GCLC: variants seen among roughly 807,000 people sequenced by gnomAD.
The protein encoded by GCLC is glutamate--cysteine ligase catalytic subunit.
GCLC carries 30 observed loss-of-function variants against 81.5 expected under a neutral mutation model. That is an observed-to-expected ratio of 0.37 (90% confidence interval 0.28 to 0.50). GCLC has a LOEUF of 0.50. Ranked by LOEUF, GCLC falls within the 20% of genes least tolerant of loss-of-function variation. The pLI, the probability that GCLC is intolerant of heterozygous loss-of-function variation, is 0.96. For missense variants in GCLC, 556 were observed against 777.4 expected (o/e 0.72, Z 3.39); for synonymous variants, 262 against 273.3 (o/e 0.96, Z 0.41).
In GCLC at chr6:53,502,200, C is replaced by T. The variant is rs149176820; in HGVS notation, c.1396-1687G>A. ...GATGTGGTATGAGATACGTAATATA[C>T]GCATACAACCAAGCTTATTAACCAT... On this transcript the variant is annotated intron_variant, in intron 12 of 15. Transcript: ENST00000650454. Among the ~76,000 whole-genome samples, 4 of 152,272 alleles carry T rather than the reference C, an allele frequency of 2.6e-5. No individual in the cohort carries two copies. In the South Asian group the frequency reaches 6.2e-4, roughly 24 times the overall value.
At chr6:53,510,982 A>G (rs1035532608) in intron 6 of GCLC, among the ~76,000 whole-genome samples, 1 of 152,222 alleles carries the variant, frequency 6.6e-6, no homozygotes, top group African/African-American at 2.4e-5. Flanking sequence ...CAGTTTCTGC[A>G]AAGAGGTGGG....
At chr6:53,508,355 T>G (rs1007088762) in intron 8 of GCLC, among the ~76,000 whole-genome samples, 33 of 152,206 alleles carry the variant, frequency 2.2e-4, no homozygotes, top group African/African-American at 7.5e-4. Flanking sequence ...AAAAAGCCTT[T>G]TGGTAAAAAC....
chr6:53,544,255 G>C (rs1419913002), intron 1 of GCLC, among the ~76,000 whole-genome samples: 2 of 152,164 alleles, frequency 1.3e-5, no homozygotes, highest in Non-Finnish European at 2.9e-5. Flanking sequence ...CGTGTTTATG[G>C]AATGAAGGGG....
Position 53,522,501 on chromosome 6 carries a change from A to C in GCLC, c.177T>G (p.Asp59Glu), listed in dbSNP as rs141282414. ...DEVEYMLVSF[D>E]HENKKVRLVL... is the part of the protein sequence containing the mutation. ...CCAACCGGACTTTTTTATTTTCATG[A>C]TCAAAAGATACCAACATGTATTCCA... Residue 59 changes from aspartate (D) to glutamate (E), a missense_variant, in exon 2 of 16, where the codon GAT (aspartate) becomes GAG (glutamate). This residue lies in a region of GCLC where 234 missense variants were observed against 303.8 expected (regional missense o/e 0.77). Transcript: ENST00000650454. 123 of 1,606,384 alleles carry C rather than the reference A, an allele frequency of 7.7e-5. No homozygotes were observed. Among genetic ancestry groups the C allele is most frequent in the Non-Finnish European group, 9.0e-5 (106 of 1,173,192 alleles).
Position 53,516,144 on chromosome 6 carries a change from A to G in GCLC, c.525T>C (p.Phe175=). 6.2e-7 allele frequency: 1 copy of G among 1,613,594 alleles called. No individual in the cohort carries two copies. The highest frequency in any genetic ancestry group is 8.5e-7 in the Non-Finnish European group (1 of 1,179,504). The change falls in exon 4 of 16, where the codon TTT becomes TTC. Residue 175 remains phenylalanine (F), a synonymous_variant. Coordinates refer to ENST00000650454, the MANE Select transcript of GCLC (RefSeq NM_001498.4). The stretch of plus-strand genomic sequence containing the variant: ...GGTGCTTGTTTATTGCTTCATCTGG[A>G]AAGAAGAGGGACTTGGAAGCTCCTC... ...VEGGASKSLF[F]PDEAINKHPR...
At position 53,531,804 on chromosome 6, in the gene GCLC, T is replaced by C. The variant is rs1001741868; in HGVS notation, c.151-9277A>G. ...CCCACCCTGGTGCCTCCTAAAGTTG[T>C]ACAAGGTATTTATCCTGCCCAGAGC... On this transcript the variant is annotated intron_variant, in intron 1 of 15. Coordinates refer to ENST00000650454, the MANE Select transcript of GCLC (RefSeq NM_001498.4). 3.7e-4 allele frequency among the ~76,000 whole-genome samples: 57 copies of C among 152,358 alleles called. 1 individual carries two copies. The highest frequency in any genetic ancestry group is 3.4e-3 in the Middle Eastern group (1 of 294).
intron 1 of GCLC, among the ~76,000 whole-genome samples, chr6:53,523,602 G>T (rs1763034382): frequency 6.6e-6 from 1 of 152,172 alleles, no homozygotes; most frequent in South Asian, 2.1e-4. Flanking sequence ...ACAATACCCA[G>T]AAGCCCAGCA....
intron 12 of GCLC, 165 bp from the exon 13 acceptor site, chr6:53,500,678 C>T: frequency 1.6e-6 from 1 of 645,036 alleles, no homozygotes; most frequent in South Asian, 1.8e-5. Flanking sequence ...TATGTGAGGA[C>T]TGTATCACTC....
At chr6:53,523,689 G>A (rs1340593188) in intron 1 of GCLC, among the ~76,000 whole-genome samples, 2 of 152,114 alleles carry the variant, frequency 1.3e-5, no homozygotes, top group Non-Finnish European at 2.9e-5. Flanking sequence ...CCTTATTTAT[G>A]TGTATTTCCC....
At chr6:53,504,641 G>A (rs1005075487) in intron 12 of GCLC, among the ~76,000 whole-genome samples, 7 of 152,104 alleles carry the variant, frequency 4.6e-5, no homozygotes, top group Non-Finnish European at 1.0e-4. Flanking sequence ...TTTCCTTCAG[G>A]GGGTGTGGGG....
rs141946881 is a variant in GCLC, at chr6:53,520,894, G to A, written c.330C>T (p.Tyr110=). 175 of 1,613,838 alleles carry A rather than the reference G, an allele frequency of 1.1e-4. No individual in the cohort carries two copies. Among genetic ancestry groups the A allele is most frequent in the Admixed American group, 1.3e-4 (8 of 60,016 alleles). ...TATTGAACTCGGACATTGTTCCTCC[G>A]TAGGGCTGTCCTGGTGTCCCTTCAA... The part of the protein sequence containing the change: ...YMIEGTPGQP[Y]GGTMSEFNTV... The change falls in exon 3 of 16, where the codon TAC becomes TAT. Residue 110 remains tyrosine, a synonymous_variant. Transcript: ENST00000650454.
At chr6:53,543,771 A>G (rs1468753783) in intron 1 of GCLC, among the ~76,000 whole-genome samples, 1 of 152,166 alleles carries the variant, frequency 6.6e-6, no homozygotes, top group Non-Finnish European at 1.5e-5. Context: ...CTGAGAATCT[A>G]GAGACATTTC....
chr6:53,507,185 A>G, intron 9 of GCLC, 160 bp from the exon 10 acceptor site: 1 of 706,332 alleles, frequency 1.4e-6, no homozygotes, highest in Non-Finnish European at 2.6e-6. Context: ...CCAGTATTTT[A>G]TCCTGCGGAC....
chr6:53,498,955 G>T lies in GCLC; in HGVS notation c.1715C>A (p.Thr572Lys). 1 of 1,610,984 alleles carries T rather than the reference G, an allele frequency of 6.2e-7. No homozygotes were observed. Among genetic ancestry groups the T allele is most frequent in the Non-Finnish European group, 8.5e-7 (1 of 1,177,498 alleles). ...AAACTCCCTCATCCATCTGGCAACT[G>T]TCATTAGTTCTCCTGTGGGCGAGGG... Reference protein sequence around the residue: ...IKKRASGELMTVARWMREFIA... With the variant: ...IKKRASGELMKVARWMREFIA... The change falls in exon 16 of 16, where the codon ACA (threonine) becomes AAA (lysine). Residue 572 changes from threonine (T) to lysine (K), a missense_variant. This residue lies in a region of GCLC where 313 missense variants were observed against 437.3 expected (regional missense o/e 0.72). Transcript: ENST00000650454.
chr6:53,516,288 C>G, intron 3 of GCLC, 66 bp from the exon 4 acceptor site: 1 of 1,014,658 alleles, frequency 9.9e-7, no homozygotes, highest in Non-Finnish European at 1.6e-6. Flanking sequence ...TGCAGTCTTG[C>G]CATCACTGCA....
chr6:53,500,291 C>T lies in GCLC; in HGVS notation c.1537G>A (p.Glu513Lys). Reference protein sequence around the residue: ...KAQNSTELAAEEYTLMSIDTI... With the variant: ...KAQNSTELAAKEYTLMSIDTI... Reference sequence around the variant, plus strand: ...TCTATGCTCATGAGGGTGTACTCCTCTGCAGCGAGCTCCGTGCTGTTCTGG... The same window carrying T: ...TCTATGCTCATGAGGGTGTACTCCTTTGCAGCGAGCTCCGTGCTGTTCTGG... The change falls in exon 14 of 16, where the codon GAG becomes AAG. Residue 513 changes from glutamate (E) to lysine (K), a missense_variant. By Grantham distance (56) the Glu-to-Lys change is moderately conservative. This residue lies in a region of GCLC where 313 missense variants were observed against 437.3 expected (regional missense o/e 0.72). Coordinates refer to ENST00000650454, the MANE Select transcript of GCLC (RefSeq NM_001498.4). 6.2e-7 allele frequency: 1 copy of T among 1,614,190 alleles called. No homozygotes were observed. The highest frequency in any genetic ancestry group is 8.5e-7 in the Non-Finnish European group (1 of 1,180,032).
At chr6:53,505,353 T>C in intron 12 of GCLC, 39 bp downstream of exon 12, 1 of 840,288 alleles carries the variant, frequency 1.2e-6, no homozygotes, top group South Asian at 1.4e-5. Context: ...TATCTACAGA[T>C]AGATCTATAC....
intron 1 of GCLC, among the ~76,000 whole-genome samples, chr6:53,526,545 T>A (rs1763084286): frequency 6.6e-6 from 1 of 152,082 alleles, no homozygotes; most frequent in South Asian, 2.1e-4. Flanking sequence ...ATGCCTGTAA[T>A]CCCAGCACTT....
At chr6:53,515,576 A>G (rs968166828) in intron 4 of GCLC, among the ~76,000 whole-genome samples, 6 of 152,258 alleles carry the variant, frequency 3.9e-5, no homozygotes, top group African/African-American at 1.4e-4. Flanking sequence ...CATGCATTGT[A>G]CAAAGCTAAG....
Sources: allele counts gnomAD v4.1 joint callset (sites outside exome capture counted in the v4.1 genomes callset), GRCh38; gene constraint gnomAD v4.1.1; regional missense constraint gnomAD v4.1.1; transcripts MANE v1.5; gene names NCBI Gene and HGNC (gene_info 2026-07-23, HGNC 2026-07-21).